Variants in GALNT13 observed in about 807,000 individuals in gnomAD.
GALNT13 encodes polypeptide N-acetylgalactosaminyltransferase 13, also known as UDP-GalNAc:polypeptide N-acetylgalactosaminyltransferase 13.
A neutral mutation model predicts 64.2 loss-of-function variants in GALNT13; 28 were observed. The observed-to-expected ratio is 0.44, with a 90% CI of 0.32 to 0.60. The LOEUF (loss-of-function observed/expected upper bound fraction) is 0.60. GALNT13 is among the 20% of genes least tolerant of loss of function. The pLI, the probability that GALNT13 is intolerant of heterozygous loss-of-function variation, is 0.05. For missense variants in GALNT13, 577 were observed against 669.8 expected (o/e 0.86, Z 1.53); for synonymous variants, 214 against 224.6 (o/e 0.95, Z 0.42).
chr2:154,071,755 A>G (rs1381558094), intron 3 of GALNT13, among the ~76,000 whole-genome samples: 1 of 152,076 alleles, frequency 6.6e-6, no homozygotes, highest in Non-Finnish European at 1.5e-5. Context: ...TTCAGCTCTC[A>G]TGTTATAAAC....
chr2:154,222,612 G>T (rs1190451096), intron 4 of GALNT13, among the ~76,000 whole-genome samples: 1 of 152,072 alleles, frequency 6.6e-6, no homozygotes, highest in African/African-American at 2.4e-5. Context: ...CCCTACAGTA[G>T]CTCCTAGACA....
At chr2:153,385,343 C>G in the GALNT13 span, among the ~76,000 whole-genome samples, 3 of 152,012 alleles carry the variant, frequency 2.0e-5, no homozygotes, top group African/African-American at 7.2e-5. Flanking sequence ...CAATGGAGTA[C>G]TAGTCAACCC....
At chr2:153,318,131 T>A in the GALNT13 span, among the ~76,000 whole-genome samples, 2 of 151,626 alleles carry the variant, frequency 1.3e-5, no homozygotes, top group African/African-American at 4.8e-5. Context: ...AGTTTTTTTT[T>A]TTTTTTCCTT....
intron 3 of GALNT13, among the ~76,000 whole-genome samples, chr2:154,136,571 T>C (rs903589782): frequency 1.3e-5 from 2 of 152,176 alleles, no homozygotes; most frequent in Non-Finnish European, 2.9e-5. Flanking sequence ...ATCAGTTGTT[T>C]TGTTTATAAT....
chr2:153,873,136 G>A (rs1035003265), intron 1 of GALNT13, among the ~76,000 whole-genome samples: 1 of 152,176 alleles, frequency 6.6e-6, no homozygotes, highest in Non-Finnish European at 1.5e-5. Context: ...ATCCCGAAGC[G>A]CCTTGGTTAG....
chr2:154,042,717 T>G (rs1699050685), intron 3 of GALNT13, among the ~76,000 whole-genome samples: 1 of 139,610 alleles, frequency 7.2e-6, no homozygotes, highest in Non-Finnish European at 1.6e-5. Context: ...TATATATATA[T>G]ATATATTAGG....
At chr2:154,412,108 A>T (rs1250832123) in intron 11 of GALNT13, among the ~76,000 whole-genome samples, 1 of 151,796 alleles carries the variant, frequency 6.6e-6, no homozygotes, top group Non-Finnish European at 1.5e-5. Flanking sequence ...CTAATGTCAC[A>T]AGCAAGATAA....
the GALNT13 span, among the ~76,000 whole-genome samples, chr2:153,438,353 C>T: frequency 3.9e-4 from 60 of 152,160 alleles, no homozygotes; most frequent in East Asian, 0.01. Context: ...TCTGTATTTC[C>T]TGAACTTGAG....
intron 3 of GALNT13, among the ~76,000 whole-genome samples, chr2:153,996,433 T>A (rs1695528111): frequency 1.3e-5 from 2 of 152,268 alleles, no homozygotes; most frequent in African/African-American, 4.8e-5. Context: ...TGATGAGTGT[T>A]GTTAAGCGTT....
At position 153,890,684 on chromosome 2, in the gene GALNT13, CAAAAG is replaced by C. The variant is rs1448192803; in HGVS notation, c.-176-10251_-176-10247del. ...ACAGCAACAAAAACAGAAGAGAAAA[CAAAAG>C]GAAAGGAAAGGAGCTTGTATCCCCA... On this transcript the variant is annotated intron_variant, in intron 1 of 12. Transcript: ENST00000392825. Among the ~76,000 whole-genome samples, 5 of 152,106 alleles carry C rather than the reference CAAAAG, an allele frequency of 3.3e-5. No homozygotes were observed. In the East Asian group the frequency reaches 7.7e-4, roughly 24 times the overall value.
intron 3 of GALNT13, among the ~76,000 whole-genome samples, chr2:153,997,763 A>G (rs918863579): frequency 2.0e-5 from 3 of 152,106 alleles, no homozygotes; most frequent in African/African-American, 7.2e-5. Flanking sequence ...CATCTACATT[A>G]GGTGCTTCTC....
chr2:154,210,367 G>A (rs1687694432), intron 4 of GALNT13, among the ~76,000 whole-genome samples: 1 of 152,166 alleles, frequency 6.6e-6, no homozygotes, highest in Non-Finnish European at 1.5e-5. Flanking sequence ...GGGATTGCTG[G>A]ATTATATGGT....
At chr2:153,784,201 C>T in the GALNT13 span, among the ~76,000 whole-genome samples, 2 of 152,108 alleles carry the variant, frequency 1.3e-5, no homozygotes, top group Non-Finnish European at 2.9e-5. Flanking sequence ...ATGGCTTTGA[C>T]CAAAATGCTG....
In GALNT13 at chr2:154,226,242, G is replaced by T. The variant is rs1021903911; in HGVS notation, c.312-15788G>T. On this transcript the variant is annotated intron_variant, in intron 4 of 12. Transcript: ENST00000392825. ...TGATGTAACTAGTGAGTGAAATTTT[G>T]ATAAAAATTGAAAAGTTTACAAATT... is the stretch of plus-strand genomic sequence containing the variant. 2.0e-5 allele frequency among the ~76,000 whole-genome samples: 3 copies of T among 152,132 alleles called. No homozygotes were observed. The East Asian group carries it at 5.8e-4, about 29-fold the overall frequency.
At chr2:153,965,494 T>G (rs992954351) in intron 3 of GALNT13, among the ~76,000 whole-genome samples, 2 of 152,126 alleles carry the variant, frequency 1.3e-5, no homozygotes, top group Non-Finnish European at 1.5e-5. Context: ...AATCTCCTCC[T>G]GTCAGAGGAG....
chr2:153,541,696 A>C, the GALNT13 span, among the ~76,000 whole-genome samples: 2 of 152,200 alleles, frequency 1.3e-5, no homozygotes, highest in East Asian at 3.8e-4. Flanking sequence ...AGGGGAATAC[A>C]TGCTTAGAGA....
intron 9 of GALNT13, among the ~76,000 whole-genome samples, chr2:154,352,201 A>C (rs1202977770): frequency 6.6e-6 from 1 of 152,198 alleles, no homozygotes; most frequent in African/African-American, 2.4e-5. Context: ...CACCTGCCTC[A>C]ATCCCATTTC....
the GALNT13 span, among the ~76,000 whole-genome samples, chr2:153,189,021 G>T: frequency 6.6e-6 from 1 of 152,104 alleles, no homozygotes; most frequent in African/African-American, 2.4e-5. Flanking sequence ...CTTCATTGCT[G>T]TTAATTATAG....
intron 4 of GALNT13, among the ~76,000 whole-genome samples, chr2:154,178,251 G>T (rs1685763605): frequency 6.6e-6 from 1 of 152,040 alleles, no homozygotes; most frequent in Non-Finnish European, 1.5e-5. Context: ...ATGCCAAATT[G>T]TTTCTGGTTA....
Sources: gnomAD v4.1 joint callset for allele counts (sites outside exome capture counted in the v4.1 genomes callset) on GRCh38, gnomAD v4.1.1 for gene constraint, MANE v1.5 for transcripts, NCBI Gene and HGNC (gene_info 2026-07-23, HGNC 2026-07-21) for gene names.